LRRC69: variants seen among roughly 807,000 people sequenced by gnomAD.
LRRC69 encodes the protein leucine rich repeat containing 69.
LRRC69 carries 42 observed loss-of-function variants against 37.8 expected under a neutral mutation model. That is an observed-to-expected ratio of 1.11 (90% CI 0.87 to 1.44). LRRC69 has a LOEUF of 1.44. LRRC69 is among the 40% of genes most tolerant of loss of function. The pLI is 0.00. For synonymous variants in LRRC69, 141 were observed against 143.1 expected, an observed-to-expected ratio of 0.99 and a Z score of 0.11; for missense variants, 357 against 401.9, an observed-to-expected ratio of 0.89 and a Z score of 0.96.
chr8:91,114,504 TTTCAG>T (rs1813473868), intron 1 of LRRC69, among the ~76,000 whole-genome samples: 1 of 151,950 alleles, frequency 6.6e-6, no homozygotes, highest in Non-Finnish European at 1.5e-5. Flanking sequence ...CCTAACAGCA[TTTCAG>T]TTAACAGTGA....
intron 7 of LRRC69, among the ~76,000 whole-genome samples, chr8:91,218,039 C>G (rs897349389): frequency 2.0e-5 from 3 of 152,114 alleles, no homozygotes; most frequent in African/African-American, 7.2e-5. Context: ...CCTGTCTGAA[C>G]CTTTCAATAG....
At chr8:91,117,412 T>C (rs182006904) in intron 1 of LRRC69, among the ~76,000 whole-genome samples, 4 of 152,062 alleles carry the variant, frequency 2.6e-5, no homozygotes, top group East Asian at 3.9e-4. Context: ...AAAGATGTTC[T>C]AGGTAGCTCC....
intron 6 of LRRC69, among the ~76,000 whole-genome samples, chr8:91,190,869 A>C (rs191524704): frequency 1.3e-5 from 2 of 152,152 alleles, no homozygotes; most frequent in South Asian, 4.1e-4. Flanking sequence ...AGCCTGGCCA[A>C]CAGAGTGAGA....
chr8:91,200,936 G>C (rs1809702495), intron 7 of LRRC69, 144 bp downstream of exon 7: 2 of 654,756 alleles, frequency 3.1e-6, no homozygotes, highest in Non-Finnish European at 4.7e-6. Flanking sequence ...GACAAATTTG[G>C]ATAAGTGTCG....
At chr8:91,134,914 A>G (rs995961105) in intron 4 of LRRC69, among the ~76,000 whole-genome samples, 1 of 152,050 alleles carries the variant, frequency 6.6e-6, no homozygotes, top group African/African-American at 2.4e-5. Context: ...TTAAACCTTC[A>G]TTGAATACTT....
chr8:91,118,105 A>G, intron 1 of LRRC69: 1 of 451,288 alleles, frequency 2.2e-6, no homozygotes, highest in South Asian at 1.6e-5. Flanking sequence ...ATAGATAGCT[A>G]GATCTTCCTA....
intron 7 of LRRC69, chr8:91,206,657 A>T (rs947248296): frequency 7.0e-6 from 9 of 1,287,680 alleles, no homozygotes; most frequent in East Asian, 5.6e-5. Context: ...AAACCATCTG[A>T]TGTGCTGCTA....
At chr8:91,160,433 G>A (rs111978740) in intron 5 of LRRC69, among the ~76,000 whole-genome samples, 1 of 150,926 alleles carries the variant, frequency 6.6e-6, no homozygotes, top group Admixed American at 6.6e-5. Context: ...TACTGACATG[G>A]TTTGGCTCTG....
chr8:91,213,950 T>A (rs1809986625), intron 7 of LRRC69, among the ~76,000 whole-genome samples: 1 of 152,138 alleles, frequency 6.6e-6, no homozygotes, highest in African/African-American at 2.4e-5. Context: ...AGTAAGGGGT[T>A]TGAACTTGAT....
chr8:91,147,297 T>A (rs1321684810), intron 5 of LRRC69, among the ~76,000 whole-genome samples: 3 of 147,996 alleles, frequency 2.0e-5, no homozygotes, highest in Non-Finnish European at 3.0e-5. Context: ...ATATTATATA[T>A]TATATATATT....
intron 5 of LRRC69, among the ~76,000 whole-genome samples, chr8:91,139,535 C>CA (rs1808496407): frequency 6.7e-6 from 1 of 149,042 alleles, no homozygotes; most frequent in African/African-American, 2.5e-5. Context: ...TCGGCCCTCT[C>CA]AAAGTGCTAG....
exon 2 of LRRC69, chr8:91,124,510 G>T (rs1383090121): frequency 1.6e-5 from 25 of 1,537,182 alleles, no homozygotes; most frequent in Non-Finnish European, 2.1e-5. Context: ...CACTAAATCT[G>T]GGAAACAACC....
chr8:91,213,237 C>T (rs1003349375), intron 7 of LRRC69, among the ~76,000 whole-genome samples: 4 of 152,022 alleles, frequency 2.6e-5, no homozygotes, highest in Non-Finnish European at 4.4e-5. Context: ...TTTTCTTTGT[C>T]GTTTCTGTTC....
intron 3 of LRRC69, among the ~76,000 whole-genome samples, chr8:91,128,116 T>G (rs1813751453): frequency 6.6e-6 from 1 of 152,010 alleles, no homozygotes; most frequent in Non-Finnish European, 1.5e-5. Context: ...TCGATGTATA[T>G]ATTGATGATG....
At position 91,141,300 on chromosome 8, in the gene LRRC69, T is replaced by G. The variant is rs539232793; in HGVS notation, c.651+5561T>G. ...AGGACATGTCTTTGTTTTCTCTTCT[T>G]AGAAGGATACCAGTCCTTGGATTGT... On this transcript the variant is annotated intron_variant, in intron 5 of 7. Transcript: ENST00000448384. 2.8e-4 allele frequency among the ~76,000 whole-genome samples: 42 copies of G among 152,190 alleles called. No homozygotes were observed. In the East Asian group the frequency reaches 6.6e-3, roughly 24 times the overall value.
chr8:91,202,202 TCTAAAA>T (rs1162352727), intron 7 of LRRC69, among the ~76,000 whole-genome samples: 1 of 150,646 alleles, frequency 6.6e-6, no homozygotes, highest in Non-Finnish European at 1.5e-5. Context: ...CGAGACTCTG[TCTAAAA>T]CAAAAACAAA....
In LRRC69 at chr8:91,179,666, G is replaced by A. The variant is rs567636405; in HGVS notation, c.652-9856G>A. 5.3e-5 allele frequency among the ~76,000 whole-genome samples: 8 copies of A among 152,148 alleles called. No individual in the cohort carries two copies. The South Asian group carries it at 1.0e-3, about 20-fold the overall frequency. ...ATCTGCATTGGTCTTTTGACCCTAGGCATTCACTACCTTTTATTGATAAAT... is the reference window on the plus strand; with the variant it reads ...ATCTGCATTGGTCTTTTGACCCTAGACATTCACTACCTTTTATTGATAAAT... On this transcript the variant is annotated intron_variant, in intron 5 of 7. Transcript: ENST00000448384.
At chr8:91,105,099 A>G (rs971464455) in intron 1 of LRRC69, among the ~76,000 whole-genome samples, 1 of 152,004 alleles carries the variant, frequency 6.6e-6, no homozygotes, top group Non-Finnish European at 1.5e-5. Flanking sequence ...TTACACCACT[A>G]AGAATTCAAC....
chr8:91,131,620 A>G (rs552344148), intron 3 of LRRC69, among the ~76,000 whole-genome samples: 5 of 151,936 alleles, frequency 3.3e-5, no homozygotes, highest in South Asian at 2.1e-4. Context: ...AGGTTTTTTT[A>G]TACATTACTA....
Sources: gnomAD v4.1 joint callset for allele counts (sites outside exome capture counted in the v4.1 genomes callset) on GRCh38, gnomAD v4.1.1 for gene constraint, MANE v1.5 for transcripts, NCBI Gene and HGNC (gene_info 2026-07-23, HGNC 2026-07-21) for gene names.